The following THTPA variants were observed in gnomAD, a reference collection of about 807,000 sequenced individuals.
THTPA encodes thiamine-triphosphatase.
In THTPA, 16 loss-of-function variants were observed where a neutral mutation model predicts 16.5. The ratio of observed to expected loss-of-function variants is 0.97; its 90% confidence interval spans 0.66 to 1.47. The LOEUF (loss-of-function observed/expected upper bound fraction) is 1.47, where lower values mean the gene tolerates loss of function less well. THTPA is among the 40% of genes most tolerant of loss of function. The pLI, the probability that THTPA is intolerant of heterozygous loss-of-function variation, is 0.00. For missense variants in THTPA, 281 were observed against 280.9 expected (o/e 1.00, Z 0.00); for synonymous variants, 110 against 115.5 (o/e 0.95, Z 0.30).
the THTPA span, chr14:23,526,319 A>G: frequency 2.0e-6 from 3 of 1,536,156 alleles, no homozygotes; most frequent in Non-Finnish European, 2.6e-6. Context: ...ATTATAATGA[A>G]CCAACAGAAT....
the THTPA span, chr14:23,527,901 C>CTT: frequency 5.4e-3 from 2,390 of 446,448 alleles, 6 homozygotes; most frequent in African/African-American, 0.01. Context: ...GCCCCCACTC[C>CTT]TTTTTTTTTT....
At chr14:23,516,092 G>T in the THTPA span, among the ~76,000 whole-genome samples, 1 of 152,124 alleles carries the variant, frequency 6.6e-6, no homozygotes, top group Admixed American at 6.5e-5. Flanking sequence ...CACAGATATG[G>T]TGCTAAGCTC....
Position 23,556,968 on chromosome 14 carries a change from G to C in THTPA, c.211G>C (p.Gly71Arg), listed in dbSNP as rs145092399. 6.2e-7 allele frequency: 1 copy of C among 1,614,196 alleles called. No homozygotes were observed. The change falls in exon 1 of 2, where the codon GGT becomes CGT. Residue 71 changes from glycine to arginine, a missense_variant. Gly to Arg is a moderately radical substitution (Grantham distance 125). Coordinates refer to ENST00000288014, the MANE Select transcript of THTPA (RefSeq NM_024328.6). ...GWELKCPGAAGVLGPHTEYKE... is the reference protein window; with the variant it reads ...GWELKCPGAARVLGPHTEYKE... ...GGAGCTCAAATGTCCTGGAGCAGCAGGTGTCTTAGGACCCCACACGGAGTA... is the reference window on the plus strand; with the variant it reads ...GGAGCTCAAATGTCCTGGAGCAGCACGTGTCTTAGGACCCCACACGGAGTA...
chr14:23,546,327 C>T, the THTPA span, among the ~76,000 whole-genome samples: 3 of 152,156 alleles, frequency 2.0e-5, no homozygotes, highest in African/African-American at 7.2e-5. This position sits in a 1 kb window ranked among gnomAD's most constrained non-coding sequence, Gnocchi z 4.7. Context: ...AAAGAGGGCT[C>T]CTGTTCTCTC....
intron 1 of THTPA, among the ~76,000 whole-genome samples, chr14:23,557,871 C>T (rs1046488718): frequency 5.3e-5 from 8 of 152,218 alleles, no homozygotes; most frequent in Non-Finnish European, 5.9e-5. Context: ...GAGACTGATG[C>T]ACTGCCCACT....
the THTPA span, chr14:23,526,469 C>A: frequency 6.5e-7 from 1 of 1,536,034 alleles, no homozygotes; most frequent in Non-Finnish European, 8.7e-7. Flanking sequence ...CTCTGCAGAG[C>A]GGAGCTCCCC....
chr14:23,559,666 T>C lies in THTPA; in HGVS notation c.*826T>C. The C allele has an allele frequency of 7.9e-7, 1 of 1,264,076 alleles. No homozygotes were observed. Among genetic ancestry groups the C allele is most frequent in the Non-Finnish European group, 1.1e-6 (1 of 878,476 alleles). 78.3% of individuals were successfully genotyped at this position (1,264,076 alleles called of 1,614,324 possible). On this transcript the variant is annotated 3_prime_UTR_variant, in exon 2 of 2. Coordinates refer to ENST00000288014, the MANE Select transcript of THTPA (RefSeq NM_024328.6). ...GCAAAGCCAGAGCGCCACCTGCTGG[T>C]AGCCCTCAGGTGTAGGTTCGAAGCT...
chr14:23,527,046 C>CGAGAT, the THTPA span: 1 of 1,427,408 alleles, frequency 7.0e-7, no homozygotes, highest in Non-Finnish European at 9.1e-7. Flanking sequence ...ACCCATCTGC[C>CGAGAT]CTACACCTGT....
chr14:23,515,341 C>G, the THTPA span, among the ~76,000 whole-genome samples: 1 of 152,082 alleles, frequency 6.6e-6, no homozygotes, highest in African/African-American at 2.4e-5. Context: ...AATAATAGTC[C>G]TAGAAAGATG....
At chr14:23,541,319 G>A in the THTPA span, among the ~76,000 whole-genome samples, 4 of 142,170 alleles carry the variant, frequency 2.8e-5, no homozygotes, top group East Asian at 6.1e-4. Context: ...ACGGAGTTTC[G>A]CTCTTGTTGC....
At chr14:23,533,436 T>A in the THTPA span, 1 of 1,529,622 alleles carries the variant, frequency 6.5e-7, no homozygotes, top group Non-Finnish European at 8.7e-7. The surrounding 1 kb of genome is among the most constrained non-coding windows in gnomAD (Gnocchi z 4.8). Context: ...ACTGGAAGAG[T>A]TCAGGGGGGC....
chr14:23,546,879 C>T, the THTPA span, among the ~76,000 whole-genome samples: 1 of 152,190 alleles, frequency 6.6e-6, no homozygotes. This position sits in a 1 kb window ranked among gnomAD's most constrained non-coding sequence, Gnocchi z 4.7. Context: ...GGCCCCCCGC[C>T]CACCAGCCCC....
the THTPA span, chr14:23,535,039 T>C: frequency 2.0e-6 from 3 of 1,536,216 alleles, no homozygotes; most frequent in Admixed American, 3.9e-5. The surrounding 1 kb of genome is among the most constrained non-coding windows in gnomAD (Gnocchi z 4.5). Context: ...CTCCTGCTCC[T>C]TGTCCTTTTC....
the THTPA span, chr14:23,522,197 T>G: frequency 3.4e-6 from 5 of 1,488,482 alleles, no homozygotes. Flanking sequence ...CAGGCAGTGG[T>G]AGGTGCAGAT....
the THTPA span, among the ~76,000 whole-genome samples, chr14:23,549,490 A>C: frequency 6.6e-6 from 1 of 152,152 alleles, no homozygotes; most frequent in Non-Finnish European, 1.5e-5. Context: ...GGCTAAATGA[A>C]CTTGGCTCCT....
At chr14:23,541,957 A>G in the THTPA span, among the ~76,000 whole-genome samples, 1 of 152,164 alleles carries the variant, frequency 6.6e-6, no homozygotes, top group Non-Finnish European at 1.5e-5. Flanking sequence ...CTTTGTGCAA[A>G]TAAGTTTTGT....
Position 23,556,646 on chromosome 14 carries a change from A to T in THTPA, c.-112A>T, listed in dbSNP as rs1000577393. 2 of 1,154,892 alleles carry T rather than the reference A, an allele frequency of 1.7e-6. No individual in the cohort carries two copies. Among genetic ancestry groups the T allele is most frequent in the African/African-American group, 3.1e-5 (2 of 64,208 alleles). The allele number at this position is 1,154,892 out of a possible 1,614,324, so 71.5% of individuals were successfully genotyped here. A position where few individuals can be genotyped will look rare whatever the true frequency, so the allele number is the denominator to read the frequency against. On this transcript the variant is annotated 5_prime_UTR_variant, in exon 1 of 2. Transcript: ENST00000288014. ...ACTATTGCGACACAGTGTGCCCCTC[A>T]TAAGTTTTTCCAGGGAGGGGTTCTG... is the stretch of plus-strand genomic sequence containing the variant.
At chr14:23,535,402 C>T in the THTPA span, 1 of 1,411,876 alleles carries the variant, frequency 7.1e-7, no homozygotes, top group African/African-American at 1.4e-5. This position sits in a 1 kb window ranked among gnomAD's most constrained non-coding sequence, Gnocchi z 4.5. Context: ...GAGAGCAGTG[C>T]TGTGAGGCTG....
chr14:23,521,955 A>C, the THTPA span: 4 of 1,535,946 alleles, frequency 2.6e-6, no homozygotes, highest in Non-Finnish European at 3.5e-6. Context: ...CATCTTGGTT[A>C]ATCTGTTTAT....
Sources: gnomAD v4.1 joint callset for allele counts (sites outside exome capture counted in the v4.1 genomes callset) on GRCh38, gnomAD v4.1.1 for gene constraint, Gnocchi (gnomAD v3.1) non-coding constraint, MANE v1.5 for transcripts, NCBI Gene and HGNC (gene_info 2026-07-23, HGNC 2026-07-21) for gene names.